HPSE2: variants seen among roughly 807,000 people sequenced by gnomAD.
The protein encoded by HPSE2 is inactive heparanase-2.
HPSE2 carries 38 observed loss-of-function variants against 60.5 expected under a neutral mutation model. The observed-to-expected ratio is 0.63, with a 90% CI of 0.48 to 0.82. The LOEUF is 0.82. Ranked by LOEUF, HPSE2 falls within the 40% of genes least tolerant of loss-of-function variation. The pLI is 0.00. For synonymous variants in HPSE2, 295 were observed against 293.2 expected, an observed-to-expected ratio of 1.01 and a Z score of -0.06; for missense variants, 713 against 740.4, an observed-to-expected ratio of 0.96 and a Z score of 0.43.
At chr10:98,569,336 C>T (rs1399997761) in intron 9 of HPSE2, among the ~76,000 whole-genome samples, 1 of 152,160 alleles carries the variant, frequency 6.6e-6, no homozygotes, top group Non-Finnish European at 1.5e-5. Flanking sequence ...GCTGGGATTA[C>T]AGACGTGAGC....
chr10:98,705,046 C>T (rs892413531), intron 5 of HPSE2, among the ~76,000 whole-genome samples: 3 of 152,024 alleles, frequency 2.0e-5, no homozygotes, highest in African/African-American at 7.2e-5. Context: ...CTACAAGGAA[C>T]TTAAACAAAT....
chr10:98,993,871 C>G (rs1956583894), intron 3 of HPSE2, among the ~76,000 whole-genome samples: 1 of 152,156 alleles, frequency 6.6e-6, no homozygotes, highest in Non-Finnish European at 1.5e-5. Flanking sequence ...AAAAATTATA[C>G]ATGGTGTCCT....
chr10:98,900,693 A>C (rs1221591872), intron 3 of HPSE2, among the ~76,000 whole-genome samples: 1 of 152,212 alleles, frequency 6.6e-6, no homozygotes, highest in Non-Finnish European at 1.5e-5. Flanking sequence ...ATAAAATGTA[A>C]AATACTAAAT....
chr10:98,579,042 G>A (rs577939325), intron 9 of HPSE2, among the ~76,000 whole-genome samples: 1 of 152,210 alleles, frequency 6.6e-6, no homozygotes, highest in African/African-American at 2.4e-5. Context: ...TATAATGTGG[G>A]GCTCCCAGAT....
At chr10:99,232,945 T>C (rs117154497) in intron 1 of HPSE2, among the ~76,000 whole-genome samples, 1,733 of 152,382 alleles carry the variant, frequency 0.011, 21 homozygotes, top group Non-Finnish European at 0.02. Context: ...CAAAAACTTG[T>C]ATGCTGAAAG....
chr10:99,124,251 T>A (rs1050282286), intron 3 of HPSE2, among the ~76,000 whole-genome samples: 3 of 152,126 alleles, frequency 2.0e-5, no homozygotes, highest in Admixed American at 1.3e-4. Context: ...AGGGAGAAAG[T>A]GTGTACTGAT....
intron 6 of HPSE2, among the ~76,000 whole-genome samples, chr10:98,675,578 A>AC (rs57464346): frequency 0.12 from 18,030 of 150,534 alleles, 1,467 homozygotes; most frequent in Admixed American, 0.21. Flanking sequence ...ACACACACAC[A>AC]ATAACCAGCC....
intron 3 of HPSE2, among the ~76,000 whole-genome samples, chr10:98,868,951 A>T (rs1459662040): frequency 6.6e-6 from 1 of 152,146 alleles, no homozygotes; most frequent in East Asian, 1.9e-4. Context: ...AAATTATTTC[A>T]GTCCTCTAGA....
intron 7 of HPSE2, among the ~76,000 whole-genome samples, chr10:98,621,274 G>A (rs610651): frequency 0.3 from 45,742 of 151,594 alleles, 7,591 homozygotes; most frequent in African/African-American, 0.43. Flanking sequence ...CACAAATGAC[G>A]CATCCCACAC....
chr10:98,887,871 G>A (rs1331534397), intron 3 of HPSE2, among the ~76,000 whole-genome samples: 7 of 150,598 alleles, frequency 4.6e-5, no homozygotes, highest in Admixed American at 1.3e-4. Context: ...AGATGTGAAC[G>A]CACACCCTCA....
rs369513805 is a variant in HPSE2 at position 99,022,064 on chromosome 10, T to G, written c.610+122174A>C. On this transcript the variant is annotated intron_variant, in intron 3 of 11. Transcript: ENST00000370552. ...CCCTCCCCCCACCCCACAACCTGGT[T>G]TTAACTTAATATCACTGAAAGAGGC... Among the ~76,000 whole-genome samples the G allele has an allele frequency of 3.4e-5, 4 of 117,326 alleles. No homozygotes were observed. The South Asian group carries it at 1.2e-3, about 34-fold the overall frequency. The allele number at this position is 117,326 out of a possible 152,430, so 77.0% of individuals were successfully genotyped here. A position where few individuals can be genotyped will look rare whatever the true frequency, so the allele number is the denominator to read the frequency against.
At chr10:99,208,520 GC>G (rs995638873) in intron 2 of HPSE2, among the ~76,000 whole-genome samples, 3 of 151,734 alleles carry the variant, frequency 2.0e-5, no homozygotes, top group African/African-American at 7.3e-5. Context: ...CCCCATCTCT[GC>G]AAAAAATACA....
intron 4 of HPSE2, among the ~76,000 whole-genome samples, chr10:98,738,314 C>T (rs1251633070): frequency 6.6e-6 from 1 of 152,148 alleles, no homozygotes; most frequent in Non-Finnish European, 1.5e-5. Context: ...ATACCTTAAA[C>T]AAAAATTAAC....
intron 2 of HPSE2, among the ~76,000 whole-genome samples, chr10:99,220,739 G>A (rs1385743166): frequency 6.6e-6 from 1 of 150,584 alleles, no homozygotes; most frequent in African/African-American, 2.4e-5. Context: ...GGAGGTGGAG[G>A]TTGCAGTGAG....
intron 3 of HPSE2, among the ~76,000 whole-genome samples, chr10:98,958,406 G>A (rs909508143): frequency 3.9e-5 from 6 of 151,982 alleles, no homozygotes; most frequent in Non-Finnish European, 5.9e-5. Context: ...GTGGAACAAA[G>A]GAGACTCTAA....
At chr10:98,839,246 C>T (rs1319032687) in intron 3 of HPSE2, among the ~76,000 whole-genome samples, 6 of 152,050 alleles carry the variant, frequency 3.9e-5, no homozygotes, top group Non-Finnish European at 5.9e-5. Flanking sequence ...TATTAATGAC[C>T]GGTAACCAAA....
At chr10:98,610,471 T>G (rs949878323) in intron 9 of HPSE2, among the ~76,000 whole-genome samples, 1 of 152,152 alleles carries the variant, frequency 6.6e-6, no homozygotes, top group African/African-American at 2.4e-5. Context: ...AATCTCACCA[T>G]AGACTAGTGA....
chr10:98,824,492 T>C (rs1951497411), intron 3 of HPSE2, among the ~76,000 whole-genome samples: 1 of 152,226 alleles, frequency 6.6e-6, no homozygotes, highest in African/African-American at 2.4e-5. Flanking sequence ...TGTGTGCTAA[T>C]GTCTCTTACT....
chr10:98,612,540 T>C (rs757460938), intron 9 of HPSE2, among the ~76,000 whole-genome samples: 4 of 152,180 alleles, frequency 2.6e-5, no homozygotes, highest in Non-Finnish European at 5.9e-5. Flanking sequence ...GTCTTTTTGG[T>C]TCCCCACAGT....
Sources: gnomAD v4.1 joint callset for allele counts (sites outside exome capture counted in the v4.1 genomes callset) on GRCh38, gnomAD v4.1.1 for gene constraint, MANE v1.5 for transcripts, NCBI Gene and HGNC (gene_info 2026-07-23, HGNC 2026-07-21) for gene names.